Variants in KIF6 observed in about 807,000 individuals in gnomAD.
KIF6 encodes the protein kinesin-like protein KIF6.
A neutral mutation model predicts 112.7 loss-of-function variants in KIF6; 106 were observed. That is an observed-to-expected ratio of 0.94 (90% confidence interval 0.80 to 1.11). The LOEUF (loss-of-function observed/expected upper bound fraction) is 1.11, where lower values mean the gene tolerates loss of function less well. Among genes scored for constraint, KIF6 ranks in the 50% least tolerant of loss-of-function variants. The probability of loss-of-function intolerance (pLI) is 0.00; values close to 1 mark genes in which losing one functional copy is unlikely to be tolerated. For missense variants in KIF6, 929 were observed against 964.0 expected (o/e 0.96, Z 0.48); for synonymous variants, 339 against 339.9 (o/e 1.00, Z 0.03).
Position 39,647,350 on chromosome 6 carries a change from G to C in KIF6, c.252-7593C>G, listed in dbSNP as rs963384392. Among the ~76,000 whole-genome samples the C allele has an allele frequency of 2.6e-5, 4 of 152,148 alleles. No homozygotes were observed. In the South Asian group the frequency reaches 6.2e-4, roughly 24 times the overall value. ...TTCTTAGTCCCTCTTATGGTAATAG[G>C]CTCCCAGTCTCCTTCTACAAGCTCA... On this transcript the variant is annotated intron_variant, in intron 3 of 22. Transcript: ENST00000287152.
chr6:39,649,562 C>A (rs1167298953), intron 3 of KIF6, among the ~76,000 whole-genome samples: 2 of 152,106 alleles, frequency 1.3e-5, no homozygotes, highest in Admixed American at 6.5e-5. Context: ...TTAAAAAATT[C>A]AGTCTGAGTG....
intron 2 of KIF6, among the ~76,000 whole-genome samples, chr6:39,717,550 C>G (rs568742610): frequency 4.6e-5 from 7 of 152,208 alleles, no homozygotes; most frequent in African/African-American, 1.7e-4. Context: ...TCCAGCACTC[C>G]TCATTCCCCT....
intron 13 of KIF6, among the ~76,000 whole-genome samples, chr6:39,460,404 T>G: frequency 7.8e-6 from 1 of 127,766 alleles, no homozygotes; most frequent in Non-Finnish European, 1.6e-5. Context: ...GGGATAGCAT[T>G]GGGAGATATA....
chr6:39,560,577 T>C (rs6923960), intron 10 of KIF6, among the ~76,000 whole-genome samples: 2,770 of 152,312 alleles, frequency 0.018, 76 homozygotes, highest in African/African-American at 0.06. Flanking sequence ...AGTCTGCACA[T>C]CCCTGTTCTT....
At chr6:39,559,858 A>G (rs1379323685) in intron 10 of KIF6, among the ~76,000 whole-genome samples, 1 of 152,148 alleles carries the variant, frequency 6.6e-6, no homozygotes, top group Non-Finnish European at 1.5e-5. Context: ...AACAGCAAAT[A>G]TCAACTAACT....
intron 16 of KIF6, among the ~76,000 whole-genome samples, chr6:39,364,085 T>A (rs1300887553): frequency 5.3e-5 from 8 of 150,450 alleles, no homozygotes; most frequent in Admixed American, 5.3e-4. Flanking sequence ...AAATATCACA[T>A]GTGTCTGGAA....
intron 1 of KIF6, 75 bp from the exon 2 acceptor site, chr6:39,720,886 T>C: frequency 1.4e-6 from 1 of 701,756 alleles, no homozygotes; most frequent in Non-Finnish European, 2.6e-6. Flanking sequence ...TTATTATGAC[T>C]TGTAATGATA....
chr6:39,590,239 T>C (rs1207268768), intron 7 of KIF6, among the ~76,000 whole-genome samples: 1 of 152,128 alleles, frequency 6.6e-6, no homozygotes, highest in Non-Finnish European at 1.5e-5. Context: ...TGTGGCATTA[T>C]TGCTTATAAA....
At chr6:39,660,492 G>A (rs1000881473) in intron 3 of KIF6, among the ~76,000 whole-genome samples, 4 of 152,144 alleles carry the variant, frequency 2.6e-5, no homozygotes, top group African/African-American at 9.7e-5. Flanking sequence ...AGGTTTTGAA[G>A]TTATAGCTTG....
At chr6:39,589,863 G>T (rs1232391674) in intron 7 of KIF6, among the ~76,000 whole-genome samples, 1 of 152,138 alleles carries the variant, frequency 6.6e-6, no homozygotes, top group Non-Finnish European at 1.5e-5. Context: ...GATTCTTTAT[G>T]TTTAATAAAC....
chr6:39,338,946 G>C (rs1340588925), intron 22 of KIF6, among the ~76,000 whole-genome samples: 1 of 151,902 alleles, frequency 6.6e-6, no homozygotes, highest in East Asian at 1.9e-4. Context: ...GTAATGACAG[G>C]GGGTGGGTGG....
intron 15 of KIF6, among the ~76,000 whole-genome samples, chr6:39,389,792 A>T (rs1767718918): frequency 6.6e-6 from 1 of 152,188 alleles, no homozygotes; most frequent in Non-Finnish European, 1.5e-5. Flanking sequence ...GCACTTTGGG[A>T]GGCCAAGGTG....
chr6:39,382,894 T>C (rs1248349790), intron 16 of KIF6, among the ~76,000 whole-genome samples: 2 of 151,936 alleles, frequency 1.3e-5, no homozygotes. Context: ...CGTTGCGATT[T>C]TGATTTGCAT....
rs142441909 is a variant in KIF6, at chr6:39,584,901, T to C, written c.1074A>G (p.Arg358=). 345 of 1,592,102 alleles carry C rather than the reference T, an allele frequency of 2.2e-4. No individual in the cohort carries two copies. The highest frequency in any genetic ancestry group is 2.8e-4 in the Non-Finnish European group (330 of 1,161,908). Residue 358 remains arginine (R), a synonymous_variant, in exon 9 of 23, where the codon AGA becomes AGG. Coordinates refer to ENST00000287152, the MANE Select transcript of KIF6 (RefSeq NM_145027.6). ...EAVLNEEINP[R]LVIKRLQKEI... ...AATATCGTTAAAAGTTGCTTACTAA[T>C]CTGGGGTTAATTTCTTCATTAAGAA...
chr6:39,671,426 T>C (rs1213315148), intron 3 of KIF6, among the ~76,000 whole-genome samples: 1 of 152,194 alleles, frequency 6.6e-6, no homozygotes, highest in African/African-American at 2.4e-5. Context: ...GCTTCCTAGT[T>C]ATCTCCGTGA....
intron 15 of KIF6, among the ~76,000 whole-genome samples, chr6:39,404,422 GA>G (rs34146792): frequency 0.88 from 133,478 of 151,768 alleles, 58,918 homozygotes; most frequent in East Asian, 0.99. Flanking sequence ...ATTGCTTGTT[GA>G]AAAAAACCCT....
intron 10 of KIF6, among the ~76,000 whole-genome samples, chr6:39,558,673 T>G (rs1231922475): frequency 6.6e-6 from 1 of 152,180 alleles, no homozygotes; most frequent in Non-Finnish European, 1.5e-5. Flanking sequence ...TGTTCATGTT[T>G]TCACACTCAA....
intron 5 of KIF6, among the ~76,000 whole-genome samples, chr6:39,632,330 G>A (rs138960040): frequency 1.3e-5 from 2 of 152,200 alleles, no homozygotes; most frequent in South Asian, 2.1e-4. Flanking sequence ...ATTTTATATA[G>A]TTAAGCCTTG....
intron 3 of KIF6, among the ~76,000 whole-genome samples, chr6:39,672,034 C>T (rs992977756): frequency 7.9e-5 from 12 of 152,174 alleles, no homozygotes; most frequent in Non-Finnish European, 1.6e-4. Flanking sequence ...GTTGCCAACC[C>T]TGAACTGGAA....
Sources: gnomAD v4.1 joint callset for allele counts (sites outside exome capture counted in the v4.1 genomes callset) on GRCh38, gnomAD v4.1.1 for gene constraint, MANE v1.5 for transcripts, NCBI Gene and HGNC (gene_info 2026-07-23, HGNC 2026-07-21) for gene names.